Variants in KCNAB3 observed in about 807,000 individuals in gnomAD.
KCNAB3 encodes the protein voltage-gated potassium channel subunit beta-3.
A neutral mutation model predicts 67.7 loss-of-function variants in KCNAB3; 62 were observed. That is an observed-to-expected ratio of 0.92 (90% confidence interval 0.75 to 1.13). The LOEUF is 1.13. KCNAB3 is among the 50% of genes most tolerant of loss of function. The pLI is 0.00. For synonymous variants in KCNAB3, 212 were observed against 205.4 expected (o/e 1.03, Z -0.27); for missense variants, 514 against 522.9 (o/e 0.98, Z 0.17).
rs187332528 is a variant in KCNAB3 at position 7,922,742 on chromosome 17, G to C, written c.*360C>G. The C allele has an allele frequency of 1.5e-5, 5 of 332,040 alleles. No individual in the cohort carries two copies. Among genetic ancestry groups the C allele is most frequent in the African/African-American group, 2.1e-5 (1 of 48,062 alleles). The allele number at this position is 332,040 out of a possible 1,614,324, so 20.6% of individuals were successfully genotyped here. ...TTTTGAGGTACACTGTATGTTTCTTGTATGTGCTGGGTTTTTGTTTTTGTT... is the reference window on the plus strand; with the variant it reads ...TTTTGAGGTACACTGTATGTTTCTTCTATGTGCTGGGTTTTTGTTTTTGTT... On this transcript the variant is annotated 3_prime_UTR_variant, in exon 14 of 14. Transcript: ENST00000303790.
Position 7,923,872 on chromosome 17 carries a change from C to T in KCNAB3, c.928-41G>A, listed in dbSNP as rs368551965. ...AATCAACAGAAGACCCCGCCATCAC[C>T]ACCACCACCACCACACTCACAAAGC... On this transcript the variant is annotated intron_variant, in intron 11 of 13. Transcript: ENST00000303790. The T allele has an allele frequency of 8.3e-6, 13 of 1,560,244 alleles. No homozygotes were observed. The East Asian group carries it at 1.2e-4, about 14-fold the overall frequency.
At chr17:7,924,384 G>C (rs1426219955) in intron 9 of KCNAB3, 31 bp downstream of exon 9, 2 of 1,610,640 alleles carry the variant, frequency 1.2e-6, no homozygotes, top group East Asian at 2.2e-5. Context: ...ACCAGTTGTG[G>C]GACAGGGGCA....
intron 13 of KCNAB3, 71 bp downstream of exon 13, chr17:7,923,384 TG>T (rs943086106): frequency 2.7e-6 from 4 of 1,468,170 alleles, no homozygotes; most frequent in Non-Finnish European, 3.7e-6. Flanking sequence ...AGAGCCATCC[TG>T]GGTTGGATAG....
Position 7,929,732 on chromosome 17 carries a change from G to A in KCNAB3, c.-297C>T, listed in dbSNP as rs1972363402. ...GAAATGGATGAGGGTAAAGGTCGAG[G>A]ATGAGGTAAAGGTCTCGGAGGATAA... is the stretch of plus-strand genomic sequence containing the variant. On this transcript the variant is annotated 5_prime_UTR_variant, in exon 1 of 14. Transcript: ENST00000303790. This position sits in a 1 kb window ranked among gnomAD's most constrained non-coding sequence, Gnocchi z 5.7. 2.3e-6 allele frequency: 3 copies of A among 1,289,768 alleles called. No homozygotes were observed. The highest frequency in any genetic ancestry group is 3.0e-6 in the Non-Finnish European group (3 of 1,013,642). 79.9% of individuals were successfully genotyped at this position (1,289,768 alleles called of 1,614,324 possible). A position where few individuals can be genotyped will look rare whatever the true frequency, so the allele number is the denominator to read the frequency against.
In KCNAB3 at chr17:7,929,797, C is replaced by G; in HGVS notation, c.-362G>C. ...GCGGGGCGGGAGAGAGATGCCACTT[C>G]AGCGCGAACCGCTGCGGGACCCGCT... On this transcript the variant is annotated 5_prime_UTR_variant, in exon 1 of 14. Transcript: ENST00000303790. The surrounding 1 kb of genome is among the most constrained non-coding windows in gnomAD (Gnocchi z 5.7). 8 of 1,074,658 alleles carry G rather than the reference C, an allele frequency of 7.4e-6. No homozygotes were observed. Among genetic ancestry groups the G allele is most frequent in the Non-Finnish European group, 9.0e-6 (8 of 884,996 alleles). The allele number at this position is 1,074,658 out of a possible 1,614,324, so 66.6% of individuals were successfully genotyped here. A position where few individuals can be genotyped will look rare whatever the true frequency, so the allele number is the denominator to read the frequency against.
intron 1 of KCNAB3, 36 bp from the exon 2 acceptor site, chr17:7,927,862 C>A (rs1207476426): frequency 1.9e-6 from 3 of 1,612,882 alleles, no homozygotes; most frequent in Non-Finnish European, 2.5e-6. Context: ...GGGGTGGAGC[C>A]TCCATTATGG....
rs1972075118 is a variant in KCNAB3, at chr17:7,922,765, GTTTTC to G, written c.*332_*336del. ...TTGTATGTGCTGGGTTTTTGTTTTT[GTTTTC>G]TTTTCTGGGCCTCGGGAATAAGGGG... On this transcript the variant is annotated 3_prime_UTR_variant, in exon 14 of 14. Transcript: ENST00000303790. 6 of 387,132 alleles carry G rather than the reference GTTTTC, an allele frequency of 1.5e-5. No individual in the cohort carries two copies. The highest frequency in any genetic ancestry group is 2.9e-5 in the Non-Finnish European group (6 of 206,498). 24.0% of individuals were successfully genotyped at this position (387,132 alleles called of 1,614,324 possible). A position where few individuals can be genotyped will look rare whatever the true frequency, so the allele number is the denominator to read the frequency against.
chr17:7,927,912 G>C, intron 1 of KCNAB3, 86 bp from the exon 2 acceptor site: 1 of 1,530,862 alleles, frequency 6.5e-7, no homozygotes. Context: ...CTTCCAGACT[G>C]AGAAGCCCTC....
chr17:7,924,419 A>G lies in KCNAB3; in HGVS notation c.707T>C (p.Ile236Thr), dbSNP rs1206504785. 6.2e-7 allele frequency: 1 copy of G among 1,613,556 alleles called. No individual in the cohort carries two copies. Among genetic ancestry groups the G allele is most frequent in the East Asian group, 2.2e-5 (1 of 44,878 alleles). The change falls in exon 9 of 14, where the codon ATC becomes ACC. Residue 236 changes from isoleucine to threonine, a missense_variant. Ile to Thr is a moderately conservative substitution (Grantham distance 89). Coordinates refer to ENST00000303790, the MANE Select transcript of KCNAB3 (RefSeq NM_004732.4). ...WGTSRWGAAE[I>T]MEAYSMARQF... ...AAGGTGGGGTCACACACTCACCATG[A>G]TTTCTGCAGCCCCCCATCGGGATGT...
chr17:7,927,933 G>T, intron 1 of KCNAB3, 107 bp from the exon 2 acceptor site: 1 of 1,385,064 alleles, frequency 7.2e-7, no homozygotes, highest in Non-Finnish European at 1.0e-6. Context: ...AGGTGTCTCA[G>T]TCCAAAGAAA....
Position 7,925,148 on chromosome 17 carries a change from A to G in KCNAB3, c.574T>C (p.Tyr192His). 6.2e-7 allele frequency: 1 copy of G among 1,613,832 alleles called. No homozygotes were observed. The highest frequency in any genetic ancestry group is 2.2e-5 in the East Asian group (1 of 44,862). ...RGSLERLQLGYVDIVFANRSD... is the reference protein window; with the variant it reads ...RGSLERLQLGHVDIVFANRSD... ...CGATTGGCAAAGACAATGTCCACGTATCCCAGCTGGAGGCGTTCCAGGGAT... is the reference window on the plus strand; with the variant it reads ...CGATTGGCAAAGACAATGTCCACGTGTCCCAGCTGGAGGCGTTCCAGGGAT... Residue 192 changes from tyrosine (Y) to histidine (H), a missense_variant, in exon 8 of 14, where the codon TAC becomes CAC. Transcript: ENST00000303790.
At chr17:7,928,896 G>A (rs993170746) in intron 1 of KCNAB3, among the ~76,000 whole-genome samples, 2 of 152,290 alleles carry the variant, frequency 1.3e-5, no homozygotes, top group Non-Finnish European at 2.9e-5. Flanking sequence ...CTGGAGATCC[G>A]TGTAGCGTGG....
Position 7,927,394 on chromosome 17 carries a change from A to T in KCNAB3, c.354T>A (p.Tyr118Ter). The T allele has an allele frequency of 8.1e-6, 13 of 1,614,000 alleles. No homozygotes were observed. Among genetic ancestry groups the T allele is most frequent in the Non-Finnish European group, 1.0e-5 (12 of 1,180,012 alleles). The change falls in exon 4 of 14, where the codon TAT becomes TAA. Residue 118 changes from tyrosine to a stop codon, truncating the protein, a stop_gained. Coordinates refer to ENST00000303790, the MANE Select transcript of KCNAB3 (RefSeq NM_004732.4). LOFTEE classifies it high-confidence loss of function. ...TGTCAAACAGGTTTACACCATGCTCATAGGCTACAGTCAGCACATCCTCTG... is the reference window on the plus strand; with the variant it reads ...TGTCAAACAGGTTTACACCATGCTCTTAGGCTACAGTCAGCACATCCTCTG... ...ETAEDVLTVAYEHGVNLFDTA... is the reference protein window; with the variant it reads ...ETAEDVLTVA
chr17:7,922,990 A>C lies in KCNAB3; in HGVS notation c.*112T>G. On this transcript the variant is annotated 3_prime_UTR_variant, in exon 14 of 14. Coordinates refer to ENST00000303790, the MANE Select transcript of KCNAB3 (RefSeq NM_004732.4). ...CCGGGACTCGTTGGTGGGCGGGGCT[A>C]GTCTGGCTCCGGCCGCTGCGTGGAG... is the stretch of plus-strand genomic sequence containing the variant. 1.0e-6 allele frequency: 1 copy of C among 960,356 alleles called. No individual in the cohort carries two copies. Among genetic ancestry groups the C allele is most frequent in the South Asian group, 1.3e-5 (1 of 75,106 alleles). 59.5% of individuals were successfully genotyped at this position (960,356 alleles called of 1,614,324 possible). A position where few individuals can be genotyped will look rare whatever the true frequency, so the allele number is the denominator to read the frequency against.
At chr17:7,925,549 A>G in intron 7 of KCNAB3, 134 bp downstream of exon 7, 1 of 741,722 alleles carries the variant, frequency 1.3e-6, no homozygotes, top group Non-Finnish European at 2.2e-6. Flanking sequence ...AAAAAAAAAA[A>G]AAGAATTCAG....
In KCNAB3 at chr17:7,921,954, G is replaced by C. The variant is rs1972054294; in HGVS notation, c.*1148C>G. 6.6e-6 allele frequency: 1 copy of C among 152,308 alleles called. No individual in the cohort carries two copies. Among genetic ancestry groups the C allele is most frequent in the South Asian group, 2.1e-4 (1 of 4,830 alleles). The allele number at this position is 152,308 out of a possible 1,614,324, so 9.4% of individuals were successfully genotyped here. On this transcript the variant is annotated 3_prime_UTR_variant, in exon 14 of 14. Coordinates refer to ENST00000303790, the MANE Select transcript of KCNAB3 (RefSeq NM_004732.4). ...ACAAAATTATGAAGCCAGATTTCTG[G>C]GTTCTAAGGAATGTGGTAGCTGAAG... is the stretch of plus-strand genomic sequence containing the variant.
At chr17:7,923,644 C>A in intron 12 of KCNAB3, 67 bp downstream of exon 12, 1 of 1,551,988 alleles carries the variant, frequency 6.4e-7, no homozygotes, top group Non-Finnish European at 8.7e-7. Flanking sequence ...AGGGACAAAC[C>A]AGTTTTAGGA....
Position 7,925,713 on chromosome 17 carries a change from G to A in KCNAB3, c.508C>T (p.Arg170Ter), listed in dbSNP as rs61745617. 231 of 1,613,758 alleles carry A rather than the reference G, an allele frequency of 1.4e-4. No homozygotes were observed. In the Middle Eastern group the frequency reaches 2.6e-3, roughly 18 times the overall value. ...IFWGGQAETE[R>*]GLSRKHIIEG... ...ATGATGTGCTTTCGGCTTAAACCTC[G>A]CTCGGTTTCTGCCCTGTAGGAAAAG... is the stretch of plus-strand genomic sequence containing the variant. The change falls in exon 7 of 14, where the codon CGA becomes TGA. Residue 170 changes from arginine (R) to a stop codon, truncating the protein, a stop_gained. Transcript: ENST00000303790. LOFTEE classifies it high-confidence loss of function.
rs1490512118 is a variant in KCNAB3, at chr17:7,929,481, G to A, written c.-46C>T. 3.0e-5 allele frequency: 46 copies of A among 1,540,146 alleles called. No individual in the cohort carries two copies. Among genetic ancestry groups the A allele is most frequent in the Non-Finnish European group, 4.0e-5 (46 of 1,142,096 alleles). On this transcript the variant is annotated 5_prime_UTR_variant, in exon 1 of 14. Coordinates refer to ENST00000303790, the MANE Select transcript of KCNAB3 (RefSeq NM_004732.4). This position sits in a 1 kb window ranked among gnomAD's most constrained non-coding sequence, Gnocchi z 5.7. Reference sequence around the variant, plus strand: ...GAGGGGGCTCCGAGGGGACGGGAGGGGGGAGCAGGGAAGCCCGAGGGCTGA... The same window carrying A: ...GAGGGGGCTCCGAGGGGACGGGAGGAGGGAGCAGGGAAGCCCGAGGGCTGA...
Sources: gnomAD v4.1 joint callset for allele counts (sites outside exome capture counted in the v4.1 genomes callset) on GRCh38, gnomAD v4.1.1 for gene constraint, Gnocchi (gnomAD v3.1) non-coding constraint, MANE v1.5 for transcripts, NCBI Gene and HGNC (gene_info 2026-07-23, HGNC 2026-07-21) for gene names.